MGARP: variants seen among roughly 807,000 people sequenced by gnomAD.
MGARP encodes the protein mitochondria localized glutamic acid rich protein.
MGARP carries 12 observed loss-of-function variants against 11.0 expected under a neutral mutation model. That is an observed-to-expected ratio of 1.09 (90% CI 0.70 to 1.77). MGARP has a LOEUF of 1.77. MGARP is among the 40% of genes most tolerant of loss of function. The pLI is 0.00. For synonymous variants in MGARP, 110 were observed against 115.4 expected (o/e 0.95, Z 0.30); for missense variants, 283 against 297.8 (o/e 0.95, Z 0.36).
Position 139,280,073 on chromosome 4 carries a change from T to C in MGARP, c.82+4A>G, listed in dbSNP as rs1459878730. 1.2e-6 allele frequency: 2 copies of C among 1,612,006 alleles called. No homozygotes were observed. Among genetic ancestry groups the C allele is most frequent in the African/African-American group, 2.7e-5 (2 of 74,906 alleles). ...TCCTCTCCGGGCTAGACCTCCTTAC[T>C]CACCGTCCTTTCCGAGCGGCGCGGG... On this transcript the variant is annotated splice_donor_region_variant and intron_variant, in intron 1 of 3. Coordinates refer to ENST00000398955, the MANE Select transcript of MGARP (RefSeq NM_032623.4).
Position 139,267,057 on chromosome 4 carries a change from A to G in MGARP, c.281-16T>C. 6.2e-7 allele frequency: 1 copy of G among 1,607,052 alleles called. No individual in the cohort carries two copies. Among genetic ancestry groups the G allele is most frequent in the Non-Finnish European group, 8.5e-7 (1 of 1,176,202 alleles). On this transcript the variant is annotated splice_polypyrimidine_tract_variant and intron_variant, in intron 3 of 3. Coordinates refer to ENST00000398955, the MANE Select transcript of MGARP (RefSeq NM_032623.4). ...TCCTTTTCACCTTTAAGAATTAGTC[A>G]TTAAGCAAGGTATTAATTTAAAGAT...
At position 139,275,374 on chromosome 4, in the gene MGARP, G is replaced by T. The variant is rs771448498; in HGVS notation, c.101C>A (p.Ser34Ter). Residue 34 changes from serine to a stop codon, truncating the protein, a stop_gained, in exon 2 of 4, where the codon TCA becomes TAA. Transcript: ENST00000398955. LOFTEE classifies it high-confidence loss of function. ...AGATGATCCAGGGAATCTGTTAGATGACATCCGGCGCAGAGATGCTAGGAA... is the reference window on the plus strand; with the variant it reads ...AGATGATCCAGGGAATCTGTTAGATTACATCCGGCGCAGAGATGCTAGGAA... ...LGKDASLRRM[S>*]SNRFPGSSGS... 15 of 1,613,866 alleles carry T rather than the reference G, an allele frequency of 9.3e-6. No homozygotes were observed. The highest frequency in any genetic ancestry group is 1.2e-5 in the Non-Finnish European group (14 of 1,179,880).
rs368593415 is a variant in MGARP at position 139,266,589 on chromosome 4, C to G, written c.*10G>C. On this transcript the variant is annotated 3_prime_UTR_variant, in exon 4 of 4. Transcript: ENST00000398955. ...TGGCATTTGTTGCTGAAATGTCTAC[C>G]GGCTGGAGATTAGCCTTGAGCCGAA... The G allele has an allele frequency of 1.4e-5, 22 of 1,606,468 alleles. No individual in the cohort carries two copies. The African/African-American group carries it at 2.5e-4, about 19-fold the overall frequency.
Position 139,266,527 on chromosome 4 carries a change from T to G in MGARP, c.*72A>C. 1 of 1,315,238 alleles carries G rather than the reference T, an allele frequency of 7.6e-7. No homozygotes were observed. The highest frequency in any genetic ancestry group is 2.7e-5 in the Admixed American group (1 of 37,142). The allele number at this position is 1,315,238 out of a possible 1,614,324, so 81.5% of individuals were successfully genotyped here. The stretch of plus-strand genomic sequence containing the variant: ...TAAGTCTTTTTTTTTTTAAACTAAG[T>G]GTACTAAAAACACAAAAGCACTTAT... On this transcript the variant is annotated 3_prime_UTR_variant, in exon 4 of 4. Transcript: ENST00000398955.
At position 139,266,439 on chromosome 4, in the gene MGARP, C is replaced by T. The variant is rs760181856; in HGVS notation, c.*160G>A. ...AAGAAATGTACAATCTCAAGTCTCT[C>T]AGTCCTAAAATCTATCAGTGGATGC... On this transcript the variant is annotated 3_prime_UTR_variant, in exon 4 of 4. Transcript: ENST00000398955. The T allele has an allele frequency of 3.2e-5, 20 of 633,898 alleles. No individual in the cohort carries two copies. Among genetic ancestry groups the T allele is most frequent in the Non-Finnish European group, 4.6e-5 (17 of 370,724 alleles). The allele number at this position is 633,898 out of a possible 1,614,324, so 39.3% of individuals were successfully genotyped here.
At chr4:139,267,830 T>C (rs182863064) in intron 3 of MGARP, among the ~76,000 whole-genome samples, 2 of 152,118 alleles carry the variant, frequency 1.3e-5, no homozygotes, top group African/African-American at 4.8e-5. Context: ...AAGCAAGAAG[T>C]GGCTAGGCAT....
intron 2 of MGARP, among the ~76,000 whole-genome samples, chr4:139,272,482 C>G (rs1579048084): frequency 6.8e-6 from 1 of 148,004 alleles, no homozygotes; most frequent in Non-Finnish European, 1.5e-5. Context: ...TGGCGTGAAC[C>G]CGGGAGGTGG....
chr4:139,275,239 A>T, intron 2 of MGARP, 50 bp downstream of exon 2: 1 of 1,463,736 alleles, frequency 6.8e-7, no homozygotes, highest in African/African-American at 1.4e-5. Context: ...CTTTACCATG[A>T]GTTGTAAAAT....
At chr4:139,269,667 CAG>C (rs890105773) in intron 2 of MGARP, among the ~76,000 whole-genome samples, 108 of 146,508 alleles carry the variant, frequency 7.4e-4, no homozygotes, top group African/African-American at 2.6e-3. Flanking sequence ...AAGAAAGAAA[CAG>C]TATTGGGAAG....
chr4:139,267,099 A>C (rs1365823399), intron 3 of MGARP, 58 bp from the exon 4 acceptor site: 5 of 1,541,082 alleles, frequency 3.2e-6, no homozygotes, highest in Non-Finnish European at 4.4e-6. Flanking sequence ...AAGGCAATGA[A>C]ACACTGCGGT....
intron 2 of MGARP, 116 bp downstream of exon 2, chr4:139,275,173 A>G: frequency 1.3e-6 from 1 of 757,910 alleles, no homozygotes; most frequent in South Asian, 1.8e-5. Flanking sequence ...ACTTAAATCT[A>G]TTGCTATGTT....
At chr4:139,270,569 A>T (rs1744764181) in intron 2 of MGARP, among the ~76,000 whole-genome samples, 1 of 147,258 alleles carries the variant, frequency 6.8e-6, no homozygotes, top group South Asian at 2.1e-4. Context: ...AGATCGTACC[A>T]CTGCACTCCA....
chr4:139,276,138 A>G (rs1472978869), intron 1 of MGARP, among the ~76,000 whole-genome samples: 1 of 152,244 alleles, frequency 6.6e-6, no homozygotes, highest in Admixed American at 6.5e-5. Flanking sequence ...AGCTTAAAGT[A>G]TATACAACTC....
rs765434741 is a variant in MGARP, at chr4:139,280,118, G to A, written c.41C>T (p.Pro14Leu). 2.5e-6 allele frequency: 4 copies of A among 1,611,798 alleles called. No homozygotes were observed. The highest frequency in any genetic ancestry group is 2.2e-5 in the South Asian group (2 of 91,058). ...RRAVSKTLAL[P>L]LRAPPNPAPL... is the part of the protein sequence containing the mutation. ...CGCGGGGTTGGGGGGCGCCCTCAGC[G>A]GCAGCGCCAGAGTCTTGGAGACCGC... is the stretch of plus-strand genomic sequence containing the variant. The change falls in exon 1 of 4, where the codon CCG becomes CTG. Residue 14 changes from proline to leucine, a missense_variant. Coordinates refer to ENST00000398955, the MANE Select transcript of MGARP (RefSeq NM_032623.4).
intron 3 of MGARP, 103 bp from the exon 4 acceptor site, chr4:139,267,144 A>G: frequency 9.3e-7 from 1 of 1,070,984 alleles, no homozygotes; most frequent in Non-Finnish European, 1.4e-6. Context: ...ACATGCACTG[A>G]TGTGTAACAG....
At chr4:139,267,513 A>G (rs974673644) in intron 3 of MGARP, among the ~76,000 whole-genome samples, 7 of 152,196 alleles carry the variant, frequency 4.6e-5, no homozygotes, top group Non-Finnish European at 1.0e-4. Flanking sequence ...GAAATCACTA[A>G]TCCTCTCTCA....
intron 2 of MGARP, among the ~76,000 whole-genome samples, chr4:139,270,157 G>A (rs915004855): frequency 3.3e-5 from 5 of 151,660 alleles, no homozygotes; most frequent in Non-Finnish European, 5.9e-5. Flanking sequence ...AAAATTAGCC[G>A]GGCGTGGTGG....
In MGARP at chr4:139,280,115, A is replaced by C; in HGVS notation, c.44T>G (p.Leu15Arg). The C allele has an allele frequency of 6.2e-7, 1 of 1,611,678 alleles. No individual in the cohort carries two copies. The highest frequency in any genetic ancestry group is 8.5e-7 in the Non-Finnish European group (1 of 1,179,602). ...RAVSKTLALP[L>R]RAPPNPAPLG... ...CGGCGCGGGGTTGGGGGGCGCCCTC[A>C]GCGGCAGCGCCAGAGTCTTGGAGAC... The change falls in exon 1 of 4, where the codon CTG becomes CGG. Residue 15 changes from leucine to arginine, a missense_variant. Leu to Arg is a moderately radical substitution (Grantham distance 102, BLOSUM62 -2). Transcript: ENST00000398955.
At chr4:139,275,631 T>C (rs922055708) in intron 1 of MGARP, among the ~76,000 whole-genome samples, 3 of 152,098 alleles carry the variant, frequency 2.0e-5, no homozygotes, top group African/African-American at 7.2e-5. Flanking sequence ...TCATGCCTTC[T>C]TGGAAGGGGT....
Sources: gnomAD v4.1 joint callset for allele counts (sites outside exome capture counted in the v4.1 genomes callset) on GRCh38, gnomAD v4.1.1 for gene constraint, MANE v1.5 for transcripts, NCBI Gene and HGNC (gene_info 2026-07-23, HGNC 2026-07-21) for gene names.